The following USP12 variants were observed in gnomAD, a reference collection of about 807,000 sequenced individuals.
USP12 encodes ubiquitin carboxyl-terminal hydrolase 12.
USP12 carries 19 observed loss-of-function variants against 45.5 expected under a neutral mutation model. The ratio of observed to expected loss-of-function variants is 0.42; its 90% CI spans 0.29 to 0.61. The LOEUF (loss-of-function observed/expected upper bound fraction) is 0.61, where lower values mean the gene tolerates loss of function less well. Ranked by LOEUF, USP12 falls within the 20% of genes least tolerant of loss-of-function variation. The pLI is 0.22. For synonymous variants in USP12, 149 were observed against 148.8 expected (o/e 1.00, Z -0.01); for missense variants, 242 against 447.7 (o/e 0.54, Z 4.15).
At chr13:27,171,015 T>C (rs763954020) in intron 1 of USP12, among the ~76,000 whole-genome samples, 1 of 152,164 alleles carries the variant, frequency 6.6e-6, no homozygotes, top group Non-Finnish European at 1.5e-5. Flanking sequence ...AATCTGCACT[T>C]GACTTCCGTC....
chr13:27,075,437 T>TGTCC (rs1205257954), intron 6 of USP12, 49 bp from the exon 7 acceptor site: 9 of 1,493,712 alleles, frequency 6.0e-6, no homozygotes, highest in Non-Finnish European at 8.2e-6. Flanking sequence ...ATATCCACCA[T>TGTCC]GTCCTTGAAT....
At chr13:27,138,080 C>T (rs976649768) in intron 1 of USP12, among the ~76,000 whole-genome samples, 1 of 152,212 alleles carries the variant, frequency 6.6e-6, no homozygotes, top group African/African-American at 2.4e-5. Context: ...GTGACCTGAG[C>T]CCTGGCCAGC....
At chr13:27,101,478 G>A (rs1400953735) in intron 3 of USP12, among the ~76,000 whole-genome samples, 3 of 152,194 alleles carry the variant, frequency 2.0e-5, no homozygotes, top group Non-Finnish European at 4.4e-5. Flanking sequence ...TATTTAGTAA[G>A]CACCTACTAT....
chr13:27,163,768 T>TAAAAAAAAAAAAAAA (rs34384911), intron 1 of USP12, among the ~76,000 whole-genome samples: 8 of 83,272 alleles, frequency 9.6e-5, no homozygotes, highest in African/African-American at 3.1e-4. Flanking sequence ...AGACCTGTCT[T>TAAAAAAAAAAAAAAA]AAAAAAAAAA....
chr13:27,113,823 G>A (rs566595703), intron 2 of USP12, among the ~76,000 whole-genome samples: 16 of 152,300 alleles, frequency 1.1e-4, no homozygotes, highest in Admixed American at 8.5e-4. Context: ...GCCATCAGAT[G>A]AGGAGAAACT....
chr13:27,126,130 A>C (rs778382543), intron 1 of USP12, among the ~76,000 whole-genome samples: 2 of 152,228 alleles, frequency 1.3e-5, no homozygotes, highest in Non-Finnish European at 2.9e-5. Flanking sequence ...TTCTCCCAGC[A>C]TGGTGTTTCG....
chr13:27,150,961 T>A (rs546017809), intron 1 of USP12, among the ~76,000 whole-genome samples: 1 of 152,104 alleles, frequency 6.6e-6, no homozygotes, highest in South Asian at 2.1e-4. Flanking sequence ...TCTTAAACAC[T>A]GGATTTGGCA....
chr13:27,130,407 ACTGGTTTAGAAAAGTCATT>A (rs1473287933), intron 1 of USP12, among the ~76,000 whole-genome samples: 2 of 152,112 alleles, frequency 1.3e-5, no homozygotes, highest in Non-Finnish European at 2.9e-5. Flanking sequence ...ACTTTGCAAA[ACTGGTTTAGAAAAGTCATT>A]ATACAAATGG....
chr13:27,100,780 A>G (rs945527962), intron 3 of USP12, among the ~76,000 whole-genome samples: 1 of 152,252 alleles, frequency 6.6e-6, no homozygotes, highest in Admixed American at 6.5e-5. Context: ...ACCAACTGGA[A>G]AAGTCCTAGA....
chr13:27,075,426 G>T, intron 6 of USP12, 38 bp from the exon 7 acceptor site: 1 of 1,541,146 alleles, frequency 6.5e-7, no homozygotes, highest in South Asian at 1.2e-5. Flanking sequence ...TTTCATAAAA[G>T]ATATCCACCA....
intron 1 of USP12, among the ~76,000 whole-genome samples, chr13:27,155,548 T>C (rs138460622): frequency 1.5e-3 from 221 of 152,308 alleles, no homozygotes; most frequent in African/African-American, 5.2e-3. Flanking sequence ...ATCTGAAAAT[T>C]AAAGTAACTG....
At chr13:27,080,895 C>T (rs1001415439) in intron 6 of USP12, among the ~76,000 whole-genome samples, 4 of 152,140 alleles carry the variant, frequency 2.6e-5, no homozygotes, top group Non-Finnish European at 5.9e-5. Flanking sequence ...AAAAAATGAT[C>T]ATCTGAGCCT....
At chr13:27,146,006 G>C (rs1877292629) in intron 1 of USP12, among the ~76,000 whole-genome samples, 1 of 152,136 alleles carries the variant, frequency 6.6e-6, no homozygotes, top group Non-Finnish European at 1.5e-5. Flanking sequence ...AATTATTAAT[G>C]GGTTATAGGT....
intron 1 of USP12, among the ~76,000 whole-genome samples, chr13:27,132,450 A>G (rs1241419185): frequency 6.6e-6 from 1 of 152,144 alleles, no homozygotes; most frequent in African/African-American, 2.4e-5. Context: ...AAAGAAAAAG[A>G]AAAAGCAAAG....
Position 27,152,252 on chromosome 13 carries a change from T to A in USP12, c.48+19340A>T, listed in dbSNP as rs369926206. 2.0e-4 allele frequency among the ~76,000 whole-genome samples: 31 copies of A among 152,144 alleles called. No individual in the cohort carries two copies. The East Asian group carries it at 4.1e-3, about 20-fold the overall frequency. On this transcript the variant is annotated intron_variant, in intron 1 of 8. Coordinates refer to ENST00000282344, the MANE Select transcript of USP12 (RefSeq NM_182488.4). ...GCCCAAATGTCCATCAACGAACAAA[T>A]AAACAAAATGTAGTATATCCACACA... is the stretch of plus-strand genomic sequence containing the variant.
At chr13:27,156,588 C>T (rs1330664460) in intron 1 of USP12, among the ~76,000 whole-genome samples, 2 of 152,202 alleles carry the variant, frequency 1.3e-5, no homozygotes, top group Non-Finnish European at 2.9e-5. Flanking sequence ...GAAGCCAAGA[C>T]AGGCGGATCA....
At chr13:27,120,162 G>A (rs936504566) in intron 1 of USP12, among the ~76,000 whole-genome samples, 1 of 152,160 alleles carries the variant, frequency 6.6e-6, no homozygotes, top group Non-Finnish European at 1.5e-5. Context: ...TTTTGTTGAA[G>A]GCTGACAAAT....
At chr13:27,117,355 G>A (rs1440853700) in intron 1 of USP12, among the ~76,000 whole-genome samples, 1 of 152,068 alleles carries the variant, frequency 6.6e-6, no homozygotes, top group African/African-American at 2.4e-5. Context: ...ATGCTCAGTG[G>A]CCTAGGAATT....
At chr13:27,097,728 G>C (rs1008914512) in intron 3 of USP12, among the ~76,000 whole-genome samples, 1 of 152,278 alleles carries the variant, frequency 6.6e-6, no homozygotes, top group African/African-American at 2.4e-5. Flanking sequence ...AAGATTAAAA[G>C]TGCTTAGAAT....
Sources: gnomAD v4.1 joint callset for allele counts (sites outside exome capture counted in the v4.1 genomes callset) on GRCh38, gnomAD v4.1.1 for gene constraint, MANE v1.5 for transcripts, NCBI Gene and HGNC (gene_info 2026-07-23, HGNC 2026-07-21) for gene names.